Variants in SPMAP2L observed in about 807,000 individuals in gnomAD.
The protein encoded by SPMAP2L is sperm microtubule associated protein 2 like, also known as sperm microtubule associated protein 2-like.
the SPMAP2L span, among the ~76,000 whole-genome samples, chr4:56,600,334 G>A: frequency 6.6e-6 from 1 of 151,934 alleles, no homozygotes; most frequent in South Asian, 2.1e-4. Context: ...TCACTCTGTT[G>A]CCAGGCTGGA....
the SPMAP2L span, among the ~76,000 whole-genome samples, chr4:56,535,096 G>A: frequency 2.6e-5 from 4 of 152,044 alleles, no homozygotes; most frequent in African/African-American, 4.8e-5. Context: ...CATTCTTGAC[G>A]CCTGTTTTTC....
chr4:56,579,415 G>A, the SPMAP2L span, among the ~76,000 whole-genome samples: 1 of 151,892 alleles, frequency 6.6e-6, no homozygotes, highest in Non-Finnish European at 1.5e-5. Context: ...ACATACCAAA[G>A]GTTATGAGAT....
chr4:56,543,239 A>G, the SPMAP2L span, among the ~76,000 whole-genome samples: 2 of 151,396 alleles, frequency 1.3e-5, no homozygotes, highest in Admixed American at 6.6e-5. Context: ...GCCCGCCACC[A>G]CACCAGGCTA....
chr4:56,624,198 G>A, the SPMAP2L span, among the ~76,000 whole-genome samples: 2 of 152,184 alleles, frequency 1.3e-5, no homozygotes, highest in Non-Finnish European at 2.9e-5. Flanking sequence ...TTAGAGATTT[G>A]TGGAAATTTG....
the SPMAP2L span, among the ~76,000 whole-genome samples, chr4:56,607,388 A>G: frequency 1.3e-5 from 2 of 152,226 alleles, no homozygotes; most frequent in African/African-American, 4.8e-5. Flanking sequence ...TGTGAGAAAT[A>G]AATTTCTGTT....
chr4:56,569,569 G>A, the SPMAP2L span, among the ~76,000 whole-genome samples: 589 of 152,196 alleles, frequency 3.9e-3, 3 homozygotes, highest in African/African-American at 0.014. Flanking sequence ...CAGTACTTTG[G>A]GAAGCCCAGG....
At chr4:56,546,267 C>G in the SPMAP2L span, among the ~76,000 whole-genome samples, 1 of 152,176 alleles carries the variant, frequency 6.6e-6, no homozygotes, top group Admixed American at 6.5e-5. Context: ...CGTGAAAATA[C>G]TTAGTTGCAG....
At chr4:56,590,977 C>T in the SPMAP2L span, among the ~76,000 whole-genome samples, 1 of 152,282 alleles carries the variant, frequency 6.6e-6, no homozygotes. Flanking sequence ...TAATGAATCT[C>T]ACAATACCTT....
the SPMAP2L span, among the ~76,000 whole-genome samples, chr4:56,540,843 C>T: frequency 6.6e-6 from 1 of 152,172 alleles, no homozygotes; most frequent in Non-Finnish European, 1.5e-5. Flanking sequence ...ACAGGAAAAT[C>T]AGCCAATGAG....
chr4:56,616,522 T>C, the SPMAP2L span, among the ~76,000 whole-genome samples: 3 of 152,290 alleles, frequency 2.0e-5, no homozygotes, highest in South Asian at 2.1e-4. Context: ...GTTCACCAAG[T>C]AAGTAATTTA....
At chr4:56,600,891 A>G in the SPMAP2L span, 218 of 1,505,648 alleles carry the variant, frequency 1.4e-4, 1 homozygote, top group Non-Finnish European at 2.9e-5. Context: ...AGAGAAATGT[A>G]AAATTTGGGA....
the SPMAP2L span, among the ~76,000 whole-genome samples, chr4:56,608,370 C>A: frequency 1.3e-5 from 2 of 152,072 alleles, no homozygotes; most frequent in Non-Finnish European, 2.9e-5. Context: ...AAGAGTGTGA[C>A]CAAGAGAATG....
chr4:56,625,522 T>C, the SPMAP2L span, among the ~76,000 whole-genome samples: 1 of 152,168 alleles, frequency 6.6e-6, no homozygotes, highest in African/African-American at 2.4e-5. Flanking sequence ...CCACAGGTTA[T>C]GGGAGGATCC....
chr4:56,546,565 C>G, the SPMAP2L span, among the ~76,000 whole-genome samples: 1 of 152,188 alleles, frequency 6.6e-6, no homozygotes, highest in Admixed American at 6.5e-5. Flanking sequence ...CATTAGCTAA[C>G]AACAGCCACC....
the SPMAP2L span, among the ~76,000 whole-genome samples, chr4:56,560,628 A>G: frequency 6.6e-6 from 1 of 152,136 alleles, no homozygotes; most frequent in Non-Finnish European, 1.5e-5. Context: ...ATGTCTTGCT[A>G]TGTTGCCCAG....
the SPMAP2L span, among the ~76,000 whole-genome samples, chr4:56,587,686 C>T: frequency 6.6e-6 from 1 of 152,146 alleles, no homozygotes; most frequent in African/African-American, 2.4e-5. Flanking sequence ...CCATCCTATA[C>T]ATTTACCACA....
the SPMAP2L span, among the ~76,000 whole-genome samples, chr4:56,557,197 T>C: frequency 1.3e-5 from 2 of 149,964 alleles, no homozygotes; most frequent in African/African-American, 2.5e-5. Context: ...TGCAGTGAGC[T>C]GAGATCATGC....
the SPMAP2L span, among the ~76,000 whole-genome samples, chr4:56,571,663 T>C: frequency 2.0e-5 from 3 of 151,986 alleles, no homozygotes; most frequent in African/African-American, 7.3e-5. Context: ...CTGGGCAACA[T>C]AGTAAGACCC....
chr4:56,589,716 TGTTG>T, the SPMAP2L span, among the ~76,000 whole-genome samples: 41 of 151,796 alleles, frequency 2.7e-4, no homozygotes, highest in Middle Eastern at 3.4e-3. Context: ...TTGTTGTTGT[TGTTG>T]TTGTTTTGTT....
Sources: allele counts gnomAD v4.1 joint callset (sites outside exome capture counted in the v4.1 genomes callset), GRCh38; gene constraint gnomAD v4.1.1; transcripts MANE v1.5; gene names NCBI Gene and HGNC (gene_info 2026-07-23, HGNC 2026-07-21).